Variants in BACH2 observed in about 807,000 individuals in gnomAD.
BACH2 encodes the protein BACH transcriptional regulator 2, also known as transcription regulator protein BACH2.
BACH2 carries 5 observed loss-of-function variants against 61.8 expected under a neutral mutation model. The observed-to-expected ratio is 0.08, with a 90% CI of 0.04 to 0.17. The LOEUF (loss-of-function observed/expected upper bound fraction) is 0.17, where lower values mean the gene tolerates loss of function less well. Ranked by LOEUF, BACH2 falls within the 10% of genes least tolerant of loss-of-function variation. The pLI, the probability that BACH2 is intolerant of heterozygous loss-of-function variation, is 1.00. For missense variants in BACH2, 824 were observed against 1,091.1 expected (o/e 0.76, Z 3.45); for synonymous variants, 446 against 440.1 (o/e 1.01, Z -0.17).
chr6:90,211,633 C>T (rs1228294709), intron 3 of BACH2, among the ~76,000 whole-genome samples: 5 of 127,158 alleles, frequency 3.9e-5, no homozygotes, highest in African/African-American at 1.1e-4. Flanking sequence ...TGTGTGTGTG[C>T]TCTCCTGACC....
intron 6 of BACH2, among the ~76,000 whole-genome samples, chr6:89,958,960 G>C (rs1172438581): frequency 6.6e-6 from 1 of 152,108 alleles, no homozygotes; most frequent in Non-Finnish European, 1.5e-5. Context: ...CTCTTGTTCA[G>C]AGATTAAGAA....
intron 5 of BACH2, among the ~76,000 whole-genome samples, chr6:90,040,788 T>C (rs1779496199): frequency 6.6e-6 from 1 of 152,188 alleles, no homozygotes; most frequent in African/African-American, 2.4e-5. Context: ...CATATATATA[T>C]ATACACATGT....
At chr6:89,986,594 G>C (rs1451973245) in intron 6 of BACH2, among the ~76,000 whole-genome samples, 6 of 151,994 alleles carry the variant, frequency 3.9e-5, no homozygotes, top group South Asian at 4.2e-4. Context: ...CACTAAATTT[G>C]AATGTTTAGG....
intron 4 of BACH2, among the ~76,000 whole-genome samples, chr6:90,120,121 G>GACATATC (rs11283599): frequency 0.052 from 7,922 of 152,176 alleles, 207 homozygotes; most frequent in East Asian, 0.082. Context: ...GAACAAGACA[G>GACATATC]ACATATCACA....
chr6:90,204,560 T>G (rs1305307682), intron 4 of BACH2, among the ~76,000 whole-genome samples: 1 of 152,172 alleles, frequency 6.6e-6, no homozygotes, highest in East Asian at 1.9e-4. Context: ...ACACACCTAC[T>G]GAGACTTGAC....
chr6:90,171,922 T>G (rs536317669), intron 4 of BACH2, among the ~76,000 whole-genome samples: 1 of 152,238 alleles, frequency 6.6e-6, no homozygotes, highest in East Asian at 1.9e-4. Context: ...CCAAAATAGA[T>G]GCAGCTGAAG....
rs760001259 is a variant in BACH2 at position 89,951,624 on chromosome 6, C to T, written c.482G>A (p.Gly161Glu). ...RPHEDCENSA[G>E]EEEDEEEETM... The stretch of plus-strand genomic sequence containing the variant: ...CTCCTCCTCTTCATCCTCCTCCTCT[C>T]CTGCAGAGTTCTCGCAGTCCTCGTG... The change falls in exon 7 of 9, where the codon GGA becomes GAA. Residue 161 changes from glycine to glutamate, a missense_variant. Gly to Glu is a moderately conservative substitution (Grantham distance 98). Around this residue, in one of 8 missense-constraint regions of BACH2, gnomAD observed 107 missense variants for 121.7 expected, o/e 0.88. Transcript: ENST00000257749. This position sits in a 1 kb window ranked among gnomAD's most constrained non-coding sequence, Gnocchi z 6.4. 2.7e-5 allele frequency: 44 copies of T among 1,614,108 alleles called. No homozygotes were observed. The highest frequency in any genetic ancestry group is 3.6e-5 in the Non-Finnish European group (43 of 1,180,058).
chr6:90,211,602 GT>G (rs1769353809), intron 3 of BACH2, among the ~76,000 whole-genome samples: 1 of 149,844 alleles, frequency 6.7e-6, no homozygotes, highest in Non-Finnish European at 1.5e-5. Context: ...GTGTGTGTGT[GT>G]GTGTGTGTGT....
chr6:89,989,428 T>G (rs1776417953), intron 6 of BACH2, among the ~76,000 whole-genome samples: 1 of 152,002 alleles, frequency 6.6e-6, no homozygotes, highest in South Asian at 2.1e-4. Flanking sequence ...GCTTATTTCT[T>G]CAATATAGCT....
Position 90,156,996 on chromosome 6 carries a change from C to T in BACH2, c.-162+49573G>A, listed in dbSNP as rs576045156. 7.2e-5 allele frequency among the ~76,000 whole-genome samples: 11 copies of T among 152,230 alleles called. No homozygotes were observed. The East Asian group carries it at 1.4e-3, about 19-fold the overall frequency. ...CTACCAAAGGGGATGAATCAGCTCA[C>T]GTCTGACAACACCTACAGATTCTGT... On this transcript the variant is annotated intron_variant, in intron 4 of 8. Coordinates refer to ENST00000257749, the MANE Select transcript of BACH2 (RefSeq NM_021813.4).
chr6:90,175,269 T>G (rs1269861934), intron 4 of BACH2, among the ~76,000 whole-genome samples: 1 of 152,128 alleles, frequency 6.6e-6, no homozygotes, highest in East Asian at 1.9e-4. Context: ...ATATTTATTA[T>G]TTTTTCTTAT....
chr6:90,015,223 CAAAT>C (rs1366999184), intron 5 of BACH2, among the ~76,000 whole-genome samples: 1 of 152,150 alleles, frequency 6.6e-6, no homozygotes, highest in African/African-American at 2.4e-5. Flanking sequence ...CTGACATTCT[CAAAT>C]AACTAGTTTT....
At chr6:90,117,819 T>C (rs1044666034) in intron 4 of BACH2, among the ~76,000 whole-genome samples, 3 of 152,216 alleles carry the variant, frequency 2.0e-5, no homozygotes, top group African/African-American at 4.8e-5. Flanking sequence ...GTTTAGCTTT[T>C]ACTTATGTTT....
intron 5 of BACH2, among the ~76,000 whole-genome samples, chr6:90,047,295 G>A (rs1457546361): frequency 1.3e-5 from 2 of 152,180 alleles, no homozygotes; most frequent in African/African-American, 2.4e-5. Context: ...GGGCAGAGGT[G>A]GCAGGGGCCT....
intron 5 of BACH2, among the ~76,000 whole-genome samples, chr6:90,079,941 C>A (rs983630499): frequency 3.3e-5 from 5 of 150,612 alleles, no homozygotes; most frequent in Non-Finnish European, 5.9e-5. Flanking sequence ...TGTCTCAGGA[C>A]TTTCAGGGAA....
At chr6:90,276,623 G>A (rs1016611089) in intron 1 of BACH2, among the ~76,000 whole-genome samples, 4 of 152,216 alleles carry the variant, frequency 2.6e-5, no homozygotes, top group Non-Finnish European at 5.9e-5. Flanking sequence ...AAGCAAAAGA[G>A]TGAGAGAGAG....
chr6:90,089,648 T>C (rs1481545462), intron 4 of BACH2, among the ~76,000 whole-genome samples: 2 of 152,072 alleles, frequency 1.3e-5, no homozygotes, highest in Non-Finnish European at 2.9e-5. Flanking sequence ...ATTTGAAACA[T>C]ACAGAAAAAT....
At chr6:90,162,628 CA>C (rs1767443094) in intron 4 of BACH2, among the ~76,000 whole-genome samples, 1 of 152,030 alleles carries the variant, frequency 6.6e-6, no homozygotes, top group Non-Finnish European at 1.5e-5. Flanking sequence ...GTCACGAGAG[CA>C]AGAACCCTGT....
At chr6:90,093,862 C>T (rs1468185178) in intron 4 of BACH2, among the ~76,000 whole-genome samples, 1 of 152,172 alleles carries the variant, frequency 6.6e-6, no homozygotes, top group Non-Finnish European at 1.5e-5. Context: ...CACCAGACTG[C>T]TCTTAGGAAA....
Sources: allele counts gnomAD v4.1 joint callset (sites outside exome capture counted in the v4.1 genomes callset), GRCh38; gene constraint gnomAD v4.1.1; regional missense constraint gnomAD v4.1.1; non-coding constraint Gnocchi (gnomAD v3.1); transcripts MANE v1.5; gene names NCBI Gene and HGNC (gene_info 2026-07-23, HGNC 2026-07-21).